Variants in TAFA1 observed in about 807,000 individuals in gnomAD.
TAFA1 encodes TAFA chemokine like family member 1.
Under a neutral mutation model 18.5 loss-of-function variants are expected in TAFA1, and 4 were observed. The observed-to-expected ratio is 0.22, with a 90% confidence interval of 0.11 to 0.49. The LOEUF (loss-of-function observed/expected upper bound fraction) is 0.49. TAFA1 is among the 20% of genes least tolerant of loss of function. TAFA1 has a pLI of 0.98. For synonymous variants in TAFA1, 56 were observed against 55.2 expected (o/e 1.01, Z -0.06); for missense variants, 147 against 169.0 (o/e 0.87, Z 0.72).
At chr3:68,120,629 G>C (rs1287259339) in intron 2 of TAFA1, among the ~76,000 whole-genome samples, 1 of 152,246 alleles carries the variant, frequency 6.6e-6, no homozygotes, top group Non-Finnish European at 1.5e-5. Context: ...CCTGTGGTGA[G>C]GTTCACAAAC....
intron 2 of TAFA1, among the ~76,000 whole-genome samples, chr3:68,164,019 C>G (rs1404744382): frequency 2.0e-5 from 3 of 152,192 alleles, no homozygotes; most frequent in Non-Finnish European, 2.9e-5. Flanking sequence ...TGCAAAAACC[C>G]TCTTTCTGCT....
chr3:68,490,633 A>T (rs972093367), intron 3 of TAFA1, among the ~76,000 whole-genome samples: 2 of 151,688 alleles, frequency 1.3e-5, no homozygotes, highest in African/African-American at 4.8e-5. Context: ...AAAATAAGCC[A>T]CTCTTCTTGC....
At chr3:68,307,647 T>C (rs1575764663) in intron 2 of TAFA1, among the ~76,000 whole-genome samples, 1 of 152,218 alleles carries the variant, frequency 6.6e-6, no homozygotes, top group East Asian at 1.9e-4. Context: ...ACTATGTGAT[T>C]GTTACTTTCG....
chr3:68,312,697 C>T (rs2068540548), intron 2 of TAFA1, among the ~76,000 whole-genome samples: 1 of 152,148 alleles, frequency 6.6e-6, no homozygotes, highest in Non-Finnish European at 1.5e-5. Flanking sequence ...CCAAACTTTC[C>T]CACATTTTCC....
chr3:68,041,840 A>G (rs914883833), intron 2 of TAFA1, among the ~76,000 whole-genome samples: 3 of 152,198 alleles, frequency 2.0e-5, no homozygotes, highest in African/African-American at 7.2e-5. Flanking sequence ...AGGACCCAAG[A>G]AGGTATGGCT....
intron 2 of TAFA1, among the ~76,000 whole-genome samples, chr3:68,331,240 T>C (rs1297838087): frequency 1.3e-5 from 2 of 152,166 alleles, no homozygotes; most frequent in Admixed American, 6.6e-5. Context: ...AATGAGCAAA[T>C]CTATTGAAGC....
chr3:68,328,423 G>A (rs765183220), intron 2 of TAFA1, among the ~76,000 whole-genome samples: 18 of 152,142 alleles, frequency 1.2e-4, no homozygotes, highest in Non-Finnish European at 2.6e-4. Context: ...TTGTGTTTGG[G>A]GAAAGTAGTT....
chr3:68,168,189 A>G lies in TAFA1; in HGVS notation c.118+161445A>G, dbSNP rs145268770. On this transcript the variant is annotated intron_variant, in intron 2 of 4. Transcript: ENST00000478136. ...GGCTTGATTTGTTTTGCTCAACAGC[A>G]AATCACAGGAACCACTATCTCTTGT... Among the ~76,000 whole-genome samples, 138 of 151,914 alleles carry G rather than the reference A, an allele frequency of 9.1e-4. 2 individuals are homozygous for G. The highest frequency in any genetic ancestry group is 2.7e-3 in the African/African-American group (113 of 41,468).
At chr3:68,264,487 G>A (rs1478259017) in intron 2 of TAFA1, among the ~76,000 whole-genome samples, 1 of 152,144 alleles carries the variant, frequency 6.6e-6, no homozygotes, top group Non-Finnish European at 1.5e-5. Context: ...AAGCAACTGT[G>A]TGAAAACTAC....
intron 2 of TAFA1, among the ~76,000 whole-genome samples, chr3:68,269,467 T>G (rs1341085669): frequency 1.3e-5 from 2 of 152,102 alleles, no homozygotes; most frequent in Admixed American, 1.3e-4. Flanking sequence ...GACCCAATTC[T>G]AAAAAATAAA....
At chr3:68,441,379 C>T (rs565240416) in intron 3 of TAFA1, among the ~76,000 whole-genome samples, 1 of 152,232 alleles carries the variant, frequency 6.6e-6, no homozygotes, top group South Asian at 2.1e-4. Context: ...TGAATCACAA[C>T]AAAGGCCTCT....
chr3:68,040,992 A>C (rs542270858), intron 2 of TAFA1, among the ~76,000 whole-genome samples: 53 of 152,290 alleles, frequency 3.5e-4, no homozygotes, highest in Non-Finnish European at 1.5e-5. Flanking sequence ...ATGCAACTCT[A>C]AGATACGTAA....
chr3:68,532,492 A>G (rs2073205680), intron 3 of TAFA1, among the ~76,000 whole-genome samples: 1 of 152,070 alleles, frequency 6.6e-6, no homozygotes, highest in Admixed American at 6.6e-5. Context: ...CTCTTCACTA[A>G]TGTAGATTTC....
At chr3:68,063,902 A>T (rs866927719) in intron 2 of TAFA1, among the ~76,000 whole-genome samples, 18 of 152,206 alleles carry the variant, frequency 1.2e-4, no homozygotes, top group Non-Finnish European at 1.5e-5. Flanking sequence ...GCAGTAAATA[A>T]AAAGATTACC....
chr3:68,105,305 T>G (rs1300965940), intron 2 of TAFA1, among the ~76,000 whole-genome samples: 1 of 152,128 alleles, frequency 6.6e-6, no homozygotes, highest in Admixed American at 6.6e-5. Context: ...TGGCACACAT[T>G]CCAGTAGTAC....
At chr3:68,311,310 A>ACATT (rs1553673147) in intron 2 of TAFA1, among the ~76,000 whole-genome samples, 173 of 152,126 alleles carry the variant, frequency 1.1e-3, no homozygotes, top group African/African-American at 3.9e-3. Flanking sequence ...CTCAAATTTC[A>ACATT]TCAAAACCAA....
chr3:68,537,334 A>G lies in TAFA1; in HGVS notation c.260-1422A>G, dbSNP rs75438775. On this transcript the variant is annotated intron_variant, in intron 3 of 4. Transcript: ENST00000478136. ...GAGGGAGAATCACAGTGATTACACT[A>G]ACCCCCTAATGGCATATAAAAACTT... Among the ~76,000 whole-genome samples the G allele has an allele frequency of 5.2e-3, 795 of 152,294 alleles. 7 individuals are homozygous for G. Among genetic ancestry groups the G allele is most frequent in the African/African-American group, 0.018 (756 of 41,542 alleles).
chr3:68,023,671 T>G (rs1342450028), intron 2 of TAFA1, among the ~76,000 whole-genome samples: 1 of 152,122 alleles, frequency 6.6e-6, no homozygotes, highest in Non-Finnish European at 1.5e-5. Flanking sequence ...TACTGAAATA[T>G]CCAATGTTGT....
chr3:68,167,901 A>C (rs1018244085), intron 2 of TAFA1, among the ~76,000 whole-genome samples: 4 of 152,262 alleles, frequency 2.6e-5, no homozygotes, highest in African/African-American at 9.6e-5. Flanking sequence ...AAATAAATAA[A>C]TAAATAATTC....
Sources: allele counts gnomAD v4.1 joint callset (sites outside exome capture counted in the v4.1 genomes callset), GRCh38; gene constraint gnomAD v4.1.1; transcripts MANE v1.5; gene names NCBI Gene and HGNC (gene_info 2026-07-23, HGNC 2026-07-21).